LINGO2: variants seen among roughly 807,000 people sequenced by gnomAD.
LINGO2 encodes leucine rich repeat and Ig domain containing 2, also known as leucine-rich repeat and immunoglobulin-like domain-containing nogo receptor-interacting protein 2.
A neutral mutation model predicts 30.6 loss-of-function variants in LINGO2; 14 were observed. The observed-to-expected ratio is 0.46, with a 90% CI of 0.30 to 0.72. The LOEUF (loss-of-function observed/expected upper bound fraction) is 0.72. LINGO2 is among the 30% of genes least tolerant of loss of function. The pLI is 0.07. For synonymous variants in LINGO2, 317 were observed against 288.5 expected (o/e 1.10, Z -1.00); for missense variants, 729 against 751.7 (o/e 0.97, Z 0.35).
At chr9:28,612,342 C>T (rs1258899701) in intron 1 of LINGO2, among the ~76,000 whole-genome samples, 1 of 152,160 alleles carries the variant, frequency 6.6e-6, no homozygotes, top group African/African-American at 2.4e-5. Context: ...GGAATATAGG[C>T]ATCCGCCAGT....
chr9:28,337,869 G>T (rs1023226794), intron 3 of LINGO2, among the ~76,000 whole-genome samples: 1 of 152,104 alleles, frequency 6.6e-6, no homozygotes, highest in Non-Finnish European at 1.5e-5. Flanking sequence ...TGCTGCAGGG[G>T]TGGGGCCCTC....
the LINGO2 span, among the ~76,000 whole-genome samples, chr9:28,904,113 C>T: frequency 0.51 from 77,610 of 151,254 alleles, 21,118 homozygotes; most frequent in Non-Finnish European, 0.6. Flanking sequence ...AAAAACAATA[C>T]AATCATCTCA....
the LINGO2 span, among the ~76,000 whole-genome samples, chr9:28,968,584 T>G: frequency 6.6e-6 from 1 of 152,220 alleles, no homozygotes; most frequent in Admixed American, 6.5e-5. Context: ...GAGCCTGGCA[T>G]ATGTTAATAG....
intron 2 of LINGO2, among the ~76,000 whole-genome samples, chr9:28,375,130 A>C (rs894864501): frequency 1.3e-4 from 15 of 113,640 alleles, no homozygotes; most frequent in Non-Finnish European, 2.6e-4. Flanking sequence ...ACACACACAC[A>C]CACATACACC....
At chr9:28,050,907 G>GT (rs1343685044) in intron 4 of LINGO2, among the ~76,000 whole-genome samples, 1 of 150,978 alleles carries the variant, frequency 6.6e-6, no homozygotes, top group African/African-American at 2.4e-5. Flanking sequence ...CTACAGATGA[G>GT]TTTTTTCAAA....
chr9:28,815,002 G>A, the LINGO2 span, among the ~76,000 whole-genome samples: 121,158 of 152,184 alleles, frequency 0.8, 48,223 homozygotes, highest in East Asian at 0.89. Flanking sequence ...GCTAGAGAGA[G>A]AGCAGGATCA....
chr9:28,534,893 C>T (rs189604609), intron 1 of LINGO2, among the ~76,000 whole-genome samples: 61 of 152,050 alleles, frequency 4.0e-4, no homozygotes, highest in Admixed American at 6.6e-4. Flanking sequence ...CAGAGCTGCT[C>T]TATTATTGTA....
chr9:28,516,180 T>C (rs188078870), intron 1 of LINGO2, among the ~76,000 whole-genome samples: 1 of 152,316 alleles, frequency 6.6e-6, no homozygotes, highest in East Asian at 1.9e-4. Context: ...GGGAAACCAA[T>C]AATTTCATGT....
rs1266574944 is a variant in LINGO2, at chr9:27,990,422, C to T, written c.-36+21933G>A. On this transcript the variant is annotated intron_variant, in intron 5 of 5. Transcript: ENST00000379992. ...GATATATTTTAGAAATGTTGCTGAG[C>T]TTCAGTATCTGCAAAAAGCATCACT... Among the ~76,000 whole-genome samples the T allele has an allele frequency of 2.7e-5, 4 of 150,714 alleles. No homozygotes were observed. In the East Asian group the frequency reaches 5.9e-4, roughly 22 times the overall value.
At chr9:29,202,829 C>A in the LINGO2 span, among the ~76,000 whole-genome samples, 1 of 151,966 alleles carries the variant, frequency 6.6e-6, no homozygotes, top group South Asian at 2.1e-4. Context: ...TGAATAGGAC[C>A]AGAAGCTCCA....
chr9:28,002,904 T>C (rs1398251481), intron 5 of LINGO2, among the ~76,000 whole-genome samples: 1 of 152,114 alleles, frequency 6.6e-6, no homozygotes, highest in Non-Finnish European at 1.5e-5. Flanking sequence ...TGTGAGTGCG[T>C]GTCAGTGTAT....
intron 4 of LINGO2, among the ~76,000 whole-genome samples, chr9:28,140,537 A>G (rs1827642940): frequency 6.6e-6 from 1 of 152,172 alleles, no homozygotes; most frequent in Admixed American, 6.5e-5. Flanking sequence ...ACTGTTATTT[A>G]ATACTCCTGT....
chr9:28,650,961 T>C (rs1828070777), intron 1 of LINGO2, among the ~76,000 whole-genome samples: 4 of 152,076 alleles, frequency 2.6e-5, no homozygotes, highest in African/African-American at 7.2e-5. Flanking sequence ...GAGGCTGAGG[T>C]GGGCGGATCA....
chr9:28,753,640 G>T, the LINGO2 span, among the ~76,000 whole-genome samples: 1 of 152,006 alleles, frequency 6.6e-6, no homozygotes, highest in Admixed American at 6.6e-5. Flanking sequence ...AAGTAAATAT[G>T]GTGTCAAGAA....
At chr9:28,720,199 C>T in the LINGO2 span, among the ~76,000 whole-genome samples, 1 of 151,948 alleles carries the variant, frequency 6.6e-6, no homozygotes, top group Non-Finnish European at 1.5e-5. Flanking sequence ...TTCATGTATC[C>T]AAGCACTTCA....
chr9:28,120,638 T>C (rs1311530973), intron 4 of LINGO2, among the ~76,000 whole-genome samples: 1 of 152,236 alleles, frequency 6.6e-6, no homozygotes, highest in African/African-American at 2.4e-5. Context: ...TGGTTTTTAC[T>C]TGATGCAGCA....
chr9:28,121,574 T>C (rs148484474), intron 4 of LINGO2, among the ~76,000 whole-genome samples: 228 of 152,270 alleles, frequency 1.5e-3, no homozygotes, highest in Non-Finnish European at 2.8e-3. Context: ...CTGCAGCCAA[T>C]AGATAGGCAA....
At chr9:28,072,617 A>G (rs1825512843) in intron 4 of LINGO2, among the ~76,000 whole-genome samples, 1 of 152,204 alleles carries the variant, frequency 6.6e-6, no homozygotes, top group Non-Finnish European at 1.5e-5. Context: ...CTTTTAAACA[A>G]TAGCCACTCG....
the LINGO2 span, among the ~76,000 whole-genome samples, chr9:29,126,370 G>T: frequency 1.3e-5 from 2 of 152,156 alleles, no homozygotes; most frequent in Admixed American, 6.6e-5. Context: ...GGTTCATGTG[G>T]CATATTATAA....
Sources: allele counts gnomAD v4.1 joint callset (sites outside exome capture counted in the v4.1 genomes callset), GRCh38; gene constraint gnomAD v4.1.1; transcripts MANE v1.5; gene names NCBI Gene and HGNC (gene_info 2026-07-23, HGNC 2026-07-21).